Variants in B3GALT1 observed in about 807,000 individuals in gnomAD.
B3GALT1 encodes UDP-Gal:betaGlcNAc beta 1,3-galactosyltransferase, polypeptide 1.
Under a neutral mutation model 23.2 loss-of-function variants are expected in B3GALT1, and 10 were observed. The observed-to-expected ratio is 0.43, with a 90% CI of 0.27 to 0.73. B3GALT1 has a LOEUF of 0.73. Ranked by LOEUF, B3GALT1 falls within the 30% of genes least tolerant of loss-of-function variation. The pLI, the probability that B3GALT1 is intolerant of heterozygous loss-of-function variation, is 0.21. For missense variants in B3GALT1, 299 were observed against 405.4 expected (o/e 0.74, Z 2.25); for synonymous variants, 156 against 141.5 (o/e 1.10, Z -0.73).
At chr2:167,807,983 C>T (rs796353291) in intron 3 of B3GALT1, among the ~76,000 whole-genome samples, 2 of 152,086 alleles carry the variant, frequency 1.3e-5, no homozygotes, top group Non-Finnish European at 2.9e-5. Context: ...AATCTGGGTG[C>T]TCCTGTATTG....
At chr2:167,689,773 G>A (rs188101973) in intron 3 of B3GALT1, among the ~76,000 whole-genome samples, 85 of 152,098 alleles carry the variant, frequency 5.6e-4, no homozygotes, top group African/African-American at 1.9e-3. Flanking sequence ...GATGAGACAT[G>A]GTCTATTTCT....
chr2:167,674,207 G>C (rs904920984), intron 3 of B3GALT1, among the ~76,000 whole-genome samples: 1 of 152,032 alleles, frequency 6.6e-6, no homozygotes, highest in African/African-American at 2.4e-5. Context: ...ATTTTTACTT[G>C]TTATTAAGAT....
intron 1 of B3GALT1, among the ~76,000 whole-genome samples, chr2:167,462,177 T>C (rs953447460): frequency 2.0e-5 from 3 of 152,220 alleles, no homozygotes; most frequent in South Asian, 4.1e-4. Context: ...CAGTGATATG[T>C]TTGAGTGTTT....
chr2:167,669,807 G>A (rs370438726), intron 3 of B3GALT1, among the ~76,000 whole-genome samples: 3 of 152,142 alleles, frequency 2.0e-5, no homozygotes, highest in African/African-American at 7.2e-5. Flanking sequence ...ATGAGACAGT[G>A]CCTGGCTTCC....
intron 2 of B3GALT1, among the ~76,000 whole-genome samples, chr2:167,546,871 C>G (rs1683646567): frequency 6.6e-6 from 1 of 152,200 alleles, no homozygotes; most frequent in Non-Finnish European, 1.5e-5. Context: ...AAACAAATGT[C>G]ATTTCACCAG....
intron 2 of B3GALT1, chr2:167,631,556 A>AT (rs1574178858): frequency 6.6e-6 from 1 of 151,612 alleles, no homozygotes; most frequent in South Asian, 2.1e-4. Flanking sequence ...GGATTTAAAA[A>AT]TTTTTTTTAC....
chr2:167,818,292 G>A (rs1689037577), intron 3 of B3GALT1, among the ~76,000 whole-genome samples: 1 of 152,158 alleles, frequency 6.6e-6, no homozygotes, highest in African/African-American at 2.4e-5. Flanking sequence ...TTATCTTTGT[G>A]GCATCAGTCA....
At chr2:167,588,838 C>T (rs557084233) in intron 2 of B3GALT1, among the ~76,000 whole-genome samples, 1 of 125,454 alleles carries the variant, frequency 8.0e-6, no homozygotes, top group Non-Finnish European at 1.6e-5. Flanking sequence ...TCCTTCCTTC[C>T]TTCCTTCTTT....
At chr2:167,489,813 C>T (rs557812937) in intron 1 of B3GALT1, among the ~76,000 whole-genome samples, 1 of 152,230 alleles carries the variant, frequency 6.6e-6, no homozygotes, top group Non-Finnish European at 1.5e-5. Context: ...TATTCTACTT[C>T]TCTTGTGGAA....
intron 2 of B3GALT1, among the ~76,000 whole-genome samples, chr2:167,574,771 A>T (rs1328704557): frequency 6.6e-6 from 1 of 151,820 alleles, no homozygotes; most frequent in Non-Finnish European, 1.5e-5. Context: ...AAGCAAGATG[A>T]CACCATATAG....
At chr2:167,630,544 A>G (rs1685421435) in intron 2 of B3GALT1, among the ~76,000 whole-genome samples, 1 of 151,810 alleles carries the variant, frequency 6.6e-6, no homozygotes, top group East Asian at 1.9e-4. Flanking sequence ...GCTGTACAAG[A>G]TGATATTCTT....
Position 167,539,010 on chromosome 2 carries a change from A to G in B3GALT1, c.-410+48733A>G, listed in dbSNP as rs181060833. Among the ~76,000 whole-genome samples the G allele has an allele frequency of 1.4e-3, 210 of 152,310 alleles. 9 individuals are homozygous for G. Among genetic ancestry groups the G allele is most frequent in the Admixed American group, 0.014 (209 of 15,300 alleles). Reference sequence around the variant, plus strand: ...TACTTGTATAAAAAATTCAAATGAAACATCCGATTATACTTAGTTTATAAT... The same window carrying G: ...TACTTGTATAAAAAATTCAAATGAAGCATCCGATTATACTTAGTTTATAAT... On this transcript the variant is annotated intron_variant, in intron 2 of 4. Transcript: ENST00000392690.
At chr2:167,389,933 A>G (rs556966364) in intron 1 of B3GALT1, among the ~76,000 whole-genome samples, 2,624 of 148,660 alleles carry the variant, frequency 0.018, 101 homozygotes, top group African/African-American at 0.065. Flanking sequence ...AACAAAAAAA[A>G]AAAAGAAAGA....
At chr2:167,473,259 A>T (rs1699443477) in intron 1 of B3GALT1, among the ~76,000 whole-genome samples, 1 of 152,150 alleles carries the variant, frequency 6.6e-6, no homozygotes, top group Admixed American at 6.6e-5. Context: ...CATTAGAATC[A>T]ACCTGGGAAG....
chr2:167,455,332 A>G (rs1699151099), intron 1 of B3GALT1, among the ~76,000 whole-genome samples: 1 of 152,196 alleles, frequency 6.6e-6, no homozygotes, highest in Admixed American at 6.5e-5. Flanking sequence ...TATGAAAAAG[A>G]TTATGAAAAT....
intron 1 of B3GALT1, among the ~76,000 whole-genome samples, chr2:167,388,889 C>G (rs1402430377): frequency 6.6e-6 from 1 of 152,164 alleles, no homozygotes; most frequent in East Asian, 1.9e-4. Flanking sequence ...AAACCATATA[C>G]TGATATTTGA....
At chr2:167,864,314 T>C (rs1270206386) in intron 4 of B3GALT1, among the ~76,000 whole-genome samples, 1 of 152,154 alleles carries the variant, frequency 6.6e-6, no homozygotes, top group East Asian at 1.9e-4. Context: ...GCACTTTGGA[T>C]GGCCAAGGCC....
At chr2:167,439,914 G>T (rs1698852056) in intron 1 of B3GALT1, among the ~76,000 whole-genome samples, 1 of 149,598 alleles carries the variant, frequency 6.7e-6, no homozygotes, top group Admixed American at 6.6e-5. Flanking sequence ...AATAAAAGCA[G>T]GATACTTCAC....
chr2:167,507,615 A>G (rs992868404), intron 2 of B3GALT1, among the ~76,000 whole-genome samples: 1 of 151,496 alleles, frequency 6.6e-6, no homozygotes, highest in African/African-American at 2.4e-5. Context: ...TCAAATGTTT[A>G]TTAACTTGGG....
Sources: gnomAD v4.1 joint callset for allele counts (sites outside exome capture counted in the v4.1 genomes callset) on GRCh38, gnomAD v4.1.1 for gene constraint, MANE v1.5 for transcripts, NCBI Gene and HGNC (gene_info 2026-07-23, HGNC 2026-07-21) for gene names.